Variants in NEUROD4 observed in about 807,000 individuals in gnomAD.
The protein encoded by NEUROD4 is neurogenic differentiation factor 4.
A neutral mutation model predicts 19.8 loss-of-function variants in NEUROD4; 16 were observed. That is an observed-to-expected ratio of 0.81 (90% CI 0.55 to 1.23). The LOEUF (loss-of-function observed/expected upper bound fraction) is 1.23. Among genes scored for constraint, NEUROD4 ranks in the 50% most tolerant of loss-of-function variants. The pLI is 0.00. For synonymous variants in NEUROD4, 153 were observed against 147.9 expected (o/e 1.03, Z -0.25); for missense variants, 439 against 398.6 (o/e 1.10, Z -0.86).
chr12:55,027,218 G>A lies in NEUROD4; in HGVS notation c.779G>A (p.Ser260Asn), dbSNP rs745732402. Reference protein sequence around the residue: ...EGPLTPPLSISGNFSLKQDGS... With the variant: ...EGPLTPPLSINGNFSLKQDGS... ...CCACTCACTCCACCCCTGAGCATCAGTGGGAACTTCTCCTTGAAGCAAGAT... is the reference window on the plus strand; with the variant it reads ...CCACTCACTCCACCCCTGAGCATCAATGGGAACTTCTCCTTGAAGCAAGAT... The change falls in exon 2 of 2, where the codon AGT becomes AAT. Residue 260 changes from serine (S) to asparagine (N), a missense_variant. Transcript: ENST00000242994. The A allele has an allele frequency of 3.7e-6, 6 of 1,614,022 alleles. No homozygotes were observed. The highest frequency in any genetic ancestry group is 2.2e-5 in the East Asian group (1 of 44,880).
intron 1 of NEUROD4, among the ~76,000 whole-genome samples, chr12:55,020,638 T>C (rs904682586): frequency 6.6e-6 from 1 of 152,108 alleles, no homozygotes; most frequent in East Asian, 1.9e-4. Flanking sequence ...GTGGTGAAAA[T>C]GTCGAAAAGT....
At position 55,026,898 on chromosome 12, in the gene NEUROD4, C is replaced by T. The variant is rs1267816688; in HGVS notation, c.459C>T (p.Gly153=). 15 of 1,614,136 alleles carry T rather than the reference C, an allele frequency of 9.3e-6. No individual in the cohort carries two copies. The highest frequency in any genetic ancestry group is 1.3e-5 in the African/African-American group (1 of 75,038). Residue 153 remains glycine, a synonymous_variant, in exon 2 of 2, where the codon GGC becomes GGT. Coordinates refer to ENST00000242994, the MANE Select transcript of NEUROD4 (RefSeq NM_021191.3). ...CTGGCCAGACACCTGAAGGGAAAGG[C>T]TTTGTGGAGATGCTGTGTAAAGGGC... ...LETGQTPEGK[G]FVEMLCKGLS...
chr12:55,024,491 A>G (rs1179705064), intron 1 of NEUROD4, among the ~76,000 whole-genome samples: 1 of 152,174 alleles, frequency 6.6e-6, no homozygotes, highest in Non-Finnish European at 1.5e-5. Context: ...TAAACTTTAA[A>G]ATGCTACACA....
At chr12:55,024,074 T>A (rs1230652671) in intron 1 of NEUROD4, among the ~76,000 whole-genome samples, 6 of 152,116 alleles carry the variant, frequency 3.9e-5, no homozygotes, top group Admixed American at 3.9e-4. Flanking sequence ...TTCTCTCCTT[T>A]TCATGCATCT....
chr12:55,020,813 T>G (rs1244034192), intron 1 of NEUROD4, among the ~76,000 whole-genome samples: 4 of 152,120 alleles, frequency 2.6e-5, no homozygotes, highest in African/African-American at 9.7e-5. Context: ...CGGGGTAGAT[T>G]CTCACCATTA....
At position 55,027,377 on chromosome 12, in the gene NEUROD4, A is replaced by G. The variant is rs753364277; in HGVS notation, c.938A>G (p.Tyr313Cys). The stretch of plus-strand genomic sequence containing the variant: ...TATGATGTTCCTATAGACATGTCCT[A>G]TGATTCCTACCCCCATCATGGTATT... ...PRYDVPIDMS[Y>C]DSYPHHGIGT... Residue 313 changes from tyrosine to cysteine, a missense_variant, in exon 2 of 2, where the codon TAT becomes TGT. By Grantham distance (194) the Tyr-to-Cys change is radical. Coordinates refer to ENST00000242994, the MANE Select transcript of NEUROD4 (RefSeq NM_021191.3). 13 of 1,613,756 alleles carry G rather than the reference A, an allele frequency of 8.1e-6. No individual in the cohort carries two copies. Among genetic ancestry groups the G allele is most frequent in the Middle Eastern group, 1.6e-4 (1 of 6,078 alleles).
At chr12:55,021,478 C>T (rs1197730717) in intron 1 of NEUROD4, among the ~76,000 whole-genome samples, 2 of 152,152 alleles carry the variant, frequency 1.3e-5, no homozygotes, top group Non-Finnish European at 2.9e-5. Context: ...ACCACAAATC[C>T]ACATGTGAGT....
chr12:55,021,530 T>TA (rs1427015895), intron 1 of NEUROD4, among the ~76,000 whole-genome samples: 1 of 152,130 alleles, frequency 6.6e-6, no homozygotes, highest in Non-Finnish European at 1.5e-5. Context: ...CCACAATAAA[T>TA]AAAAAATTTG....
Position 55,029,965 on chromosome 12 carries a change from A to C in NEUROD4, c.*2530A>C, listed in dbSNP as rs1486841259. On this transcript the variant is annotated 3_prime_UTR_variant, in exon 2 of 2. Transcript: ENST00000242994. ...GTTTAAATATTTTGTTTAAAATATG[A>C]CTGTTTTTCCTCCCTTTTTCCTAGC... is the stretch of plus-strand genomic sequence containing the variant. 6.0e-6 allele frequency: 1 copy of C among 166,640 alleles called. No individual in the cohort carries two copies. Among genetic ancestry groups the C allele is most frequent in the African/African-American group, 2.4e-5 (1 of 41,464 alleles). The allele number at this position is 166,640 out of a possible 1,614,324, so 10.3% of individuals were successfully genotyped here.
intron 1 of NEUROD4, among the ~76,000 whole-genome samples, chr12:55,021,911 C>T (rs1242315532): frequency 2.6e-5 from 4 of 152,076 alleles, no homozygotes; most frequent in Non-Finnish European, 5.9e-5. Context: ...ATGTTCGAGC[C>T]TATTTCCTAT....
intron 1 of NEUROD4, among the ~76,000 whole-genome samples, chr12:55,021,900 CATGTT>C (rs1952675844): frequency 6.6e-6 from 1 of 151,800 alleles, no homozygotes; most frequent in South Asian, 2.1e-4. Context: ...TGATTTTTGT[CATGTT>C]CGAGCCTATT....
At position 55,026,652 on chromosome 12, in the gene NEUROD4, T is replaced by A. The variant is rs777930750; in HGVS notation, c.213T>A (p.Gly71=). The part of the protein sequence containing the change: ...EEDGEKPKRR[G]PKKKKMTKAR... Reference sequence around the variant, plus strand: ...ATGGGGAGAAACCTAAGAGAAGGGGTCCCAAGAAAAAGAAGATGACCAAAG... The same window carrying A: ...ATGGGGAGAAACCTAAGAGAAGGGGACCCAAGAAAAAGAAGATGACCAAAG... The change falls in exon 2 of 2, where the codon GGT becomes GGA. Residue 71 remains glycine, a synonymous_variant. Transcript: ENST00000242994. The A allele has an allele frequency of 1.2e-6, 2 of 1,613,124 alleles. No individual in the cohort carries two copies. The highest frequency in any genetic ancestry group is 1.6e-4 in the Middle Eastern group (1 of 6,062).
At position 55,029,506 on chromosome 12, in the gene NEUROD4, AT is replaced by A. The variant is rs753799192; in HGVS notation, c.*2074del. 3 of 166,866 alleles carry A rather than the reference AT, an allele frequency of 1.8e-5. No homozygotes were observed. In the South Asian group the frequency reaches 6.2e-4, roughly 35 times the overall value. The allele number at this position is 166,866 out of a possible 1,614,324, so 10.3% of individuals were successfully genotyped here. On this transcript the variant is annotated 3_prime_UTR_variant, in exon 2 of 2. Transcript: ENST00000242994. Reference sequence around the variant, plus strand: ...TTATTAGATATTATTTATTTAATTTATTTCTCTCTTCCTTTCACGAAAATTC... The same window carrying A: ...TTATTAGATATTATTTATTTAATTTATTCTCTCTTCCTTTCACGAAAATTC...
Position 55,026,518 on chromosome 12 carries a change from T to C in NEUROD4, c.79T>C (p.Ser27Pro). 1 of 1,613,988 alleles carries C rather than the reference T, an allele frequency of 6.2e-7. No individual in the cohort carries two copies. The highest frequency in any genetic ancestry group is 8.5e-7 in the Non-Finnish European group (1 of 1,179,952). Reference sequence around the variant, plus strand: ...ATCCTGGATGGATAAAGGTCTGGGCTCCCAAAATGAGGTGAAGGAGGAAGA... The same window carrying C: ...ATCCTGGATGGATAAAGGTCTGGGCCCCCAAAATGAGGTGAAGGAGGAAGA... ...TPSWMDKGLG[S>P]QNEVKEEESR... Residue 27 changes from serine to proline, a missense_variant, in exon 2 of 2, where the codon TCC (serine) becomes CCC (proline). Physicochemically the swap from Ser to Pro is moderately conservative, Grantham distance 74. Transcript: ENST00000242994.
Position 55,029,424 on chromosome 12 carries a change from C to G in NEUROD4, c.*1989C>G. On this transcript the variant is annotated 3_prime_UTR_variant, in exon 2 of 2. Transcript: ENST00000242994. ...GAGCGGCTGTAGGAGGGTCTATCCT[C>G]GAAGCTAGCATTTTCTGGCATTTAA... 6.0e-6 allele frequency: 1 copy of G among 167,072 alleles called. No individual in the cohort carries two copies. The allele number at this position is 167,072 out of a possible 1,614,324, so 10.3% of individuals were successfully genotyped here.
chr12:55,027,032 C>G lies in NEUROD4; in HGVS notation c.593C>G (p.Ser198Cys). The G allele has an allele frequency of 6.2e-7, 1 of 1,614,156 alleles. No individual in the cohort carries two copies. The highest frequency in any genetic ancestry group is 1.1e-5 in the South Asian group (1 of 91,088). The change falls in exon 2 of 2, where the codon TCT becomes TGT. Residue 198 changes from serine (S) to cysteine (C), a missense_variant. Transcript: ENST00000242994. ...DKSPICDSAI[S>C]VHNFNYQSPG... is the part of the protein sequence containing the mutation. ...TCTCCTATTTGTGACTCTGCCATCTCTGTCCACAACTTCAACTATCAGTCT... is the reference window on the plus strand; with the variant it reads ...TCTCCTATTTGTGACTCTGCCATCTGTGTCCACAACTTCAACTATCAGTCT...
chr12:55,022,825 G>A (rs1437891370), intron 1 of NEUROD4, among the ~76,000 whole-genome samples: 1 of 152,054 alleles, frequency 6.6e-6, no homozygotes, highest in Non-Finnish European at 1.5e-5. Flanking sequence ...AGGAGTAGGT[G>A]TATTGGGGAA....
Position 55,026,735 on chromosome 12 carries a change from G to A in NEUROD4, c.296G>A (p.Arg99Gln), listed in dbSNP as rs372356966. The change falls in exon 2 of 2, where the codon CGG (arginine) becomes CAG (glutamine). Residue 99 changes from arginine to glutamine, a missense_variant. Transcript: ENST00000242994. ...RVKANARERTRMHGLNDALDN... is the reference protein window; with the variant it reads ...RVKANARERTQMHGLNDALDN... Reference sequence around the variant, plus strand: ...AAGGCTAATGCCAGAGAACGGACCCGGATGCATGGCCTGAATGACGCCCTG... The same window carrying A: ...AAGGCTAATGCCAGAGAACGGACCCAGATGCATGGCCTGAATGACGCCCTG... 3.7e-6 allele frequency: 6 copies of A among 1,614,018 alleles called. No homozygotes were observed. Among genetic ancestry groups the A allele is most frequent in the Non-Finnish European group, 3.4e-6 (4 of 1,180,010 alleles).
chr12:55,028,372 G>T lies in NEUROD4; in HGVS notation c.*937G>T, dbSNP rs374260081. 1 of 167,020 alleles carries T rather than the reference G, an allele frequency of 6.0e-6. No individual in the cohort carries two copies. Among genetic ancestry groups the T allele is most frequent in the Non-Finnish European group, 1.5e-5 (1 of 68,116 alleles). The allele number at this position is 167,020 out of a possible 1,614,324, so 10.3% of individuals were successfully genotyped here. The stretch of plus-strand genomic sequence containing the variant: ...CTCTGGAACTTCTGATGAAGCTCAG[G>T]TGCTGCTGTTAGAATCAGCACACAA... On this transcript the variant is annotated 3_prime_UTR_variant, in exon 2 of 2. Coordinates refer to ENST00000242994, the MANE Select transcript of NEUROD4 (RefSeq NM_021191.3).
Sources: allele counts gnomAD v4.1 joint callset (sites outside exome capture counted in the v4.1 genomes callset), GRCh38; gene constraint gnomAD v4.1.1; transcripts MANE v1.5; gene names NCBI Gene and HGNC (gene_info 2026-07-23, HGNC 2026-07-21).